Variants in CFAP251 observed in about 807,000 individuals in gnomAD.
CFAP251 encodes cilia- and flagella-associated protein 251.
CFAP251 carries 93 observed loss-of-function variants against 126.7 expected under a neutral mutation model. The observed-to-expected ratio is 0.73, with a 90% CI of 0.62 to 0.87. CFAP251 has a LOEUF of 0.87. Among genes scored for constraint, CFAP251 ranks in the 40% least tolerant of loss-of-function variants. CFAP251 has a pLI of 0.00. For missense variants in CFAP251, 1,287 were observed against 1,389.2 expected, an observed-to-expected ratio of 0.93 and a Z score of 1.17; for synonymous variants, 503 against 506.9, an observed-to-expected ratio of 0.99 and a Z score of 0.10.
chr12:121,987,849 G>T (rs1230845963), intron 19 of CFAP251, among the ~76,000 whole-genome samples: 1 of 152,136 alleles, frequency 6.6e-6, no homozygotes, highest in Non-Finnish European at 1.5e-5. Context: ...GAACCAAGCT[G>T]GCTGACCCCC....
rs1296904316 is a variant in CFAP251 at position 121,992,293 on chromosome 12, C to T, written c.3007-7423C>T. 1.2e-5 allele frequency: 12 copies of T among 985,312 alleles called. No homozygotes were observed. In the South Asian group the frequency reaches 1.4e-4, roughly 12 times the overall value. 61.0% of individuals were successfully genotyped at this position (985,312 alleles called of 1,614,324 possible). On this transcript the variant is annotated intron_variant, in intron 19 of 21. Coordinates refer to ENST00000288912, the MANE Select transcript of CFAP251 (RefSeq NM_144668.6). ...AACCTGCCTTTTCAACGAACACTTG[C>T]GAAGTCGGCTCAGGAAGGAAATGTC...
chr12:121,960,613 T>C lies in CFAP251; in HGVS notation c.2162T>C (p.Met721Thr), dbSNP rs746947199. Residue 721 changes from methionine (M) to threonine (T), a missense_variant, in exon 14 of 22, where the codon ATG becomes ACG. Physicochemically the swap from Met to Thr is moderately conservative, Grantham distance 81. Transcript: ENST00000288912. ...AGAAGTTTTACTGTGGCTGTTTACA[T>C]GCTGGTGGTCAGAAATGGACAGAGG... ...ADRSFTVAVY[M>T]LVVRNGQRVW... The C allele has an allele frequency of 6.2e-7, 1 of 1,614,204 alleles. No homozygotes were observed. The highest frequency in any genetic ancestry group is 1.1e-5 in the South Asian group (1 of 91,080).
chr12:122,000,115 G>C (rs750481375), intron 20 of CFAP251, among the ~76,000 whole-genome samples, 171 bp downstream of exon 20: 1 of 152,172 alleles, frequency 6.6e-6, no homozygotes, highest in African/African-American at 2.4e-5. Context: ...TGGCAAGTAC[G>C]AAGTAATGGG....
intron 7 of CFAP251, among the ~76,000 whole-genome samples, chr12:121,945,873 A>T (rs948943828): frequency 1.3e-5 from 2 of 151,662 alleles, no homozygotes; most frequent in Non-Finnish European, 2.9e-5. Context: ...TCACCGTGTT[A>T]GCCAGGATGG....
chr12:121,960,555 G>T (rs1181615288), intron 13 of CFAP251, 30 bp from the exon 14 acceptor site: 1 of 1,611,930 alleles, frequency 6.2e-7, no homozygotes, highest in African/African-American at 1.3e-5. Context: ...CGTAAAATGG[G>T]ATAACTCCTT....
chr12:121,932,126 A>G (rs1880716952), intron 4 of CFAP251: 2 of 308,498 alleles, frequency 6.5e-6, no homozygotes, highest in African/African-American at 4.3e-5. Flanking sequence ...AATTTAAAAC[A>G]TCTGTATTTT....
rs1004179569 is a variant in CFAP251, at chr12:121,992,274, C to A, written c.3007-7442C>A. The A allele has an allele frequency of 1.1e-5, 11 of 985,324 alleles. No homozygotes were observed. In the Admixed American group the frequency reaches 5.5e-4, roughly 50 times the overall value. 61.0% of individuals were successfully genotyped at this position (985,324 alleles called of 1,614,324 possible). A position where few individuals can be genotyped will look rare whatever the true frequency, so the allele number is the denominator to read the frequency against. ...TTGTTCAGACAAGTAGCAGAACCTG[C>A]CTTTTCAACGAACACTTGCGAAGTC... On this transcript the variant is annotated intron_variant, in intron 19 of 21. Coordinates refer to ENST00000288912, the MANE Select transcript of CFAP251 (RefSeq NM_144668.6).
At chr12:121,953,044 A>G (rs1034504389) in intron 9 of CFAP251, 1 of 152,210 alleles carries the variant, frequency 6.6e-6, no homozygotes, top group African/African-American at 2.4e-5. Context: ...AAGACACTTT[A>G]TTTAATATAT....
At chr12:122,000,317 C>T (rs958220116) in intron 20 of CFAP251, among the ~76,000 whole-genome samples, 7 of 151,788 alleles carry the variant, frequency 4.6e-5, no homozygotes, top group African/African-American at 1.2e-4. Flanking sequence ...TTTGGGAGGC[C>T]GAGGCGGGCG....
intron 19 of CFAP251, among the ~76,000 whole-genome samples, chr12:121,984,885 A>G (rs548659323): frequency 1.4e-4 from 22 of 152,304 alleles, no homozygotes; most frequent in African/African-American, 5.3e-4. Flanking sequence ...CATTGGTGCA[A>G]CCACCTAGTT....
rs895650292 is a variant in CFAP251 at position 122,001,659 on chromosome 12, A to C, written c.3337+61A>C. ...GGCTCACTGATTTGTTGTAGACTTC[A>C]GTACATTTATTTCTCCTGATCGGTG... On this transcript the variant is annotated intron_variant, in intron 21 of 21. Coordinates refer to ENST00000288912, the MANE Select transcript of CFAP251 (RefSeq NM_144668.6). 3 of 1,320,328 alleles carry C rather than the reference A, an allele frequency of 2.3e-6. No individual in the cohort carries two copies. The Admixed American group carries it at 5.0e-5, about 22-fold the overall frequency. The allele number at this position is 1,320,328 out of a possible 1,614,324, so 81.8% of individuals were successfully genotyped here. A position where few individuals can be genotyped will look rare whatever the true frequency, so the allele number is the denominator to read the frequency against.
chr12:121,969,158 C>A (rs1005940612), intron 17 of CFAP251: 13 of 985,434 alleles, frequency 1.3e-5, no homozygotes, highest in Non-Finnish European at 1.6e-5. Context: ...GCACAGTGTA[C>A]CCCCTGCCAT....
At position 121,931,744 on chromosome 12, in the gene CFAP251, A is replaced by G; in HGVS notation, c.748-2A>G. 4 of 1,559,782 alleles carry G rather than the reference A, an allele frequency of 2.6e-6. No individual in the cohort carries two copies. Among genetic ancestry groups the G allele is most frequent in the Non-Finnish European group, 3.5e-6 (4 of 1,156,884 alleles). On this transcript the variant is annotated splice_acceptor_variant, in intron 3 of 21. Transcript: ENST00000288912. LOFTEE classifies it high-confidence loss of function. ...CTTGCTGGCTTTGCCCTTGTCTTCC[A>G]GACCATGACCTGGTCGTTTGGATGG...
intron 19 of CFAP251, among the ~76,000 whole-genome samples, chr12:121,987,932 C>G (rs1276013652): frequency 6.6e-6 from 1 of 151,926 alleles, no homozygotes; most frequent in Non-Finnish European, 1.5e-5. Flanking sequence ...ATTCTGGCAT[C>G]CAACACTGGT....
At chr12:121,980,318 C>T (rs1036911424) in intron 19 of CFAP251, among the ~76,000 whole-genome samples, 4 of 152,076 alleles carry the variant, frequency 2.6e-5, no homozygotes, top group Non-Finnish European at 5.9e-5. Flanking sequence ...GTGCAGCAGT[C>T]GCACCCAGGA....
rs1220733436 is a variant in CFAP251, at chr12:121,921,458, G to A, written c.153G>A (p.Gln51=). The A allele has an allele frequency of 6.2e-7, 1 of 1,612,606 alleles. No homozygotes were observed. Among genetic ancestry groups the A allele is most frequent in the Admixed American group, 1.7e-5 (1 of 59,864 alleles). The change falls in exon 2 of 22, where the codon CAG becomes CAA. Residue 51 remains glutamine (Q), a synonymous_variant. Coordinates refer to ENST00000288912, the MANE Select transcript of CFAP251 (RefSeq NM_144668.6). The part of the protein sequence containing the change: ...KDDTIAWRES[Q]EEERKTGEEE... ...ACACAATAGCATGGAGAGAGTCTCAGGAGGAGGAGAGGAAAACGGGCGAGG... is the reference window on the plus strand; with the variant it reads ...ACACAATAGCATGGAGAGAGTCTCAAGAGGAGGAGAGGAAAACGGGCGAGG...
intron 3 of CFAP251, among the ~76,000 whole-genome samples, chr12:121,928,658 GTATA>G (rs1259216748): frequency 3.0e-4 from 8 of 26,708 alleles, no homozygotes; most frequent in Admixed American, 1.1e-3. Flanking sequence ...ATATATATAC[GTATA>G]TATATACGTA....
At position 122,003,143 on chromosome 12, in the gene CFAP251, C is replaced by T. The variant is rs76811746; in HGVS notation, c.3338-509C>T. On this transcript the variant is annotated intron_variant, in intron 21 of 21. Transcript: ENST00000288912. ...TTGCAGAGATTTGGTTAACAGCGTT[C>T]TGTTCCGTAAAGGAGAGATTTTTAA... is the stretch of plus-strand genomic sequence containing the variant. Among the ~76,000 whole-genome samples the T allele has an allele frequency of 1.3e-3, 194 of 152,324 alleles. 5 individuals carry two copies. The East Asian group carries it at 0.035, about 28-fold the overall frequency.
chr12:121,956,485 TTTTG>T (rs1459620525), intron 10 of CFAP251, among the ~76,000 whole-genome samples: 2 of 152,110 alleles, frequency 1.3e-5, no homozygotes, highest in Admixed American at 6.5e-5. Flanking sequence ...ACACTAAATT[TTTTG>T]TTTGTTTGTC....
Sources: allele counts gnomAD v4.1 joint callset (sites outside exome capture counted in the v4.1 genomes callset), GRCh38; gene constraint gnomAD v4.1.1; transcripts MANE v1.5; gene names NCBI Gene and HGNC (gene_info 2026-07-23, HGNC 2026-07-21).